Variants in ZC3H14 observed in about 807,000 individuals in gnomAD.
ZC3H14 encodes zinc finger CCCH domain-containing protein 14.
In ZC3H14, 31 loss-of-function variants were observed where a neutral mutation model predicts 92.4. That is an observed-to-expected ratio of 0.34 (90% CI 0.25 to 0.45). The LOEUF is 0.45. Among genes scored for constraint, ZC3H14 ranks in the 20% least tolerant of loss-of-function variants. The pLI, the probability that ZC3H14 is intolerant of heterozygous loss-of-function variation, is 1.00. For synonymous variants in ZC3H14, 321 were observed against 300.9 expected (o/e 1.07, Z -0.69); for missense variants, 781 against 897.3 (o/e 0.87, Z 1.66).
At position 88,625,100 on chromosome 14, in the gene ZC3H14, T is replaced by C. The variant is rs2089716910; in HGVS notation, c.*13349T>C. ...TCTTTCCACACACAGACATCACCAC[T>C]GATGGTACCTGTAAACGTCAAGTTA... On this transcript the variant is annotated 3_prime_UTR_variant, in exon 17 of 17. Coordinates refer to ENST00000251038, the MANE Select transcript of ZC3H14 (RefSeq NM_024824.5). 1 of 1,613,684 alleles carries C rather than the reference T, an allele frequency of 6.2e-7. No homozygotes were observed. The highest frequency in any genetic ancestry group is 1.7e-5 in the Admixed American group (1 of 59,978).
rs1468464125 is a variant in ZC3H14 at position 88,613,244 on chromosome 14, G to C, written c.*1493G>C. The C allele has an allele frequency of 6.6e-6, 1 of 152,068 alleles. No individual in the cohort carries two copies. The highest frequency in any genetic ancestry group is 2.4e-5 in the African/African-American group (1 of 41,406). 9.4% of individuals were successfully genotyped at this position (152,068 alleles called of 1,614,324 possible). A position where few individuals can be genotyped will look rare whatever the true frequency, so the allele number is the denominator to read the frequency against. On this transcript the variant is annotated 3_prime_UTR_variant, in exon 17 of 17. Coordinates refer to ENST00000251038, the MANE Select transcript of ZC3H14 (RefSeq NM_024824.5). ...ACAAGTGCATAAGGCTGTTGTCTTCGGCTTGGGTGAAATGACAGTTCCTCT... is the reference window on the plus strand; with the variant it reads ...ACAAGTGCATAAGGCTGTTGTCTTCCGCTTGGGTGAAATGACAGTTCCTCT...
intron 12 of ZC3H14, among the ~76,000 whole-genome samples, chr14:88,606,806 C>G (rs2085487595): frequency 6.8e-6 from 1 of 148,082 alleles, no homozygotes; most frequent in Admixed American, 6.7e-5. Flanking sequence ...CCTGGACTTA[C>G]AGCTCAGCAG....
chr14:88,570,437 A>G (rs1395771163), intron 3 of ZC3H14, among the ~76,000 whole-genome samples: 3 of 152,220 alleles, frequency 2.0e-5, no homozygotes, highest in Admixed American at 1.3e-4. Flanking sequence ...TTTTGAAAGT[A>G]ATAGAGTGAA....
intron 9 of ZC3H14, among the ~76,000 whole-genome samples, chr14:88,581,832 T>TA (rs1566924607): frequency 2.6e-5 from 4 of 152,100 alleles, no homozygotes; most frequent in African/African-American, 7.2e-5. Flanking sequence ...TAATGACATT[T>TA]TAAAAAAATA....
At chr14:88,586,611 CTT>C (rs1809435244) in intron 9 of ZC3H14, 1 of 152,182 alleles carries the variant, frequency 6.6e-6, no homozygotes, top group Non-Finnish European at 1.5e-5. Flanking sequence ...AAGATCTTCT[CTT>C]TGTGTTTGAT....
intron 9 of ZC3H14, among the ~76,000 whole-genome samples, chr14:88,587,512 G>A (rs965810842): frequency 2.6e-5 from 4 of 151,986 alleles, no homozygotes; most frequent in Non-Finnish European, 4.4e-5. Context: ...CCTACATTCT[G>A]TCCTGCCTCC....
Position 88,578,024 on chromosome 14 carries a change from G to A in ZC3H14, c.1163G>A (p.Arg388Gln). ...KQTLPVAPRTRTSQEELLAEV... is the reference protein window; with the variant it reads ...KQTLPVAPRTQTSQEELLAEV... ...ACACTTCCAGTTGCTCCCAGAACTC[G>A]AACTTCTCAAGAAGAATTGCTAGCA... Residue 388 changes from arginine to glutamine, a missense_variant, in exon 9 of 17, where the codon CGA (arginine) becomes CAA (glutamine). This residue lies in a region of ZC3H14 where 454 missense variants were observed against 438.5 expected (regional missense o/e 1.04). Transcript: ENST00000251038. 3.1e-6 allele frequency: 5 copies of A among 1,614,018 alleles called. No homozygotes were observed. The highest frequency in any genetic ancestry group is 4.2e-6 in the Non-Finnish European group (5 of 1,180,002).
In ZC3H14 at chr14:88,625,945, T is replaced by C. The variant is rs1029084913; in HGVS notation, c.*14194T>C. ...TGCAGGATATTAAAGGAAAGAGATG[T>C]GGATTGGAAGCCACAGGTCCAGATG... On this transcript the variant is annotated 3_prime_UTR_variant, in exon 17 of 17. Coordinates refer to ENST00000251038, the MANE Select transcript of ZC3H14 (RefSeq NM_024824.5). 2 of 152,152 alleles carry C rather than the reference T, an allele frequency of 1.3e-5. No individual in the cohort carries two copies. Among genetic ancestry groups the C allele is most frequent in the African/African-American group, 4.8e-5 (2 of 41,428 alleles). The allele number at this position is 152,152 out of a possible 1,614,324, so 9.4% of individuals were successfully genotyped here.
chr14:88,575,756 T>C, intron 7 of ZC3H14, 84 bp from the exon 8 acceptor site: 1 of 1,108,550 alleles, frequency 9.0e-7, no homozygotes. Flanking sequence ...CTAGAGAAGG[T>C]TGTGGTAAAG....
At chr14:88,610,186 A>G (rs542557396) in intron 15 of ZC3H14, among the ~76,000 whole-genome samples, 1 of 152,286 alleles carries the variant, frequency 6.6e-6, no homozygotes, top group East Asian at 1.9e-4. Context: ...ATGATGGTTG[A>G]TGAATCTCCA....
In ZC3H14 at chr14:88,616,930, G is replaced by T; in HGVS notation, c.*5179G>T. ...TCATCATGGCAAGTGCGGGCAGGTT[G>T]ACTATATTCAAAAAGTTTCTTGGCA... On this transcript the variant is annotated 3_prime_UTR_variant, in exon 17 of 17. Coordinates refer to ENST00000251038, the MANE Select transcript of ZC3H14 (RefSeq NM_024824.5). The T allele has an allele frequency of 6.4e-7, 1 of 1,564,432 alleles. No individual in the cohort carries two copies. Among genetic ancestry groups the T allele is most frequent in the South Asian group, 1.2e-5 (1 of 83,780 alleles).
chr14:88,571,038 C>G (rs769789571), intron 3 of ZC3H14, 46 bp from the exon 4 acceptor site: 15 of 1,455,640 alleles, frequency 1.0e-5, no homozygotes, highest in Non-Finnish European at 1.4e-5. Context: ...GAAATGAAAT[C>G]TTTCTTAACA....
At position 88,576,086 on chromosome 14, in the gene ZC3H14, T is replaced by G. The variant is rs1176697091; in HGVS notation, c.1123+146T>G. ...GAGGTTCCCATATAGAAAAATGGCT[T>G]TAAAAGGAAATTGACAAGTTTGAGA... is the stretch of plus-strand genomic sequence containing the variant. On this transcript the variant is annotated intron_variant, in intron 8 of 16. Transcript: ENST00000251038. 5.5e-6 allele frequency: 4 copies of G among 731,594 alleles called. No individual in the cohort carries two copies. In the East Asian group the frequency reaches 1.1e-4, roughly 20 times the overall value. 45.3% of individuals were successfully genotyped at this position (731,594 alleles called of 1,614,324 possible). A position where few individuals can be genotyped will look rare whatever the true frequency, so the allele number is the denominator to read the frequency against.
intron 2 of ZC3H14, among the ~76,000 whole-genome samples, chr14:88,566,356 C>T (rs1432404597): frequency 6.6e-6 from 1 of 151,842 alleles, no homozygotes; most frequent in Non-Finnish European, 1.5e-5. Context: ...AGAAGGGGCC[C>T]AAGACCAAAC....
rs1379316071 is a variant in ZC3H14, at chr14:88,625,355, T to C, written c.*13604T>C. 1 of 475,118 alleles carries C rather than the reference T, an allele frequency of 2.1e-6. No individual in the cohort carries two copies. The highest frequency in any genetic ancestry group is 3.7e-5 in the Admixed American group (1 of 26,716). The allele number at this position is 475,118 out of a possible 1,614,324, so 29.4% of individuals were successfully genotyped here. Reference sequence around the variant, plus strand: ...TGTTGCTTATTAGCTAGAATAACCTTAGACAATTCTTCCCTTCCAATTCTA... The same window carrying C: ...TGTTGCTTATTAGCTAGAATAACCTCAGACAATTCTTCCCTTCCAATTCTA... On this transcript the variant is annotated 3_prime_UTR_variant, in exon 17 of 17. Coordinates refer to ENST00000251038, the MANE Select transcript of ZC3H14 (RefSeq NM_024824.5).
rs771488484 is a variant in ZC3H14 at position 88,618,375 on chromosome 14, G to A, written c.*6624G>A. 7 of 1,550,578 alleles carry A rather than the reference G, an allele frequency of 4.5e-6. No homozygotes were observed. In the South Asian group the frequency reaches 7.9e-5, roughly 17 times the overall value. On this transcript the variant is annotated 3_prime_UTR_variant, in exon 17 of 17. Coordinates refer to ENST00000251038, the MANE Select transcript of ZC3H14 (RefSeq NM_024824.5). ...ATGGGACAAGAATTCCATTAGGTGA[G>A]AGACAAAATCCACAGGGGGTTTACA...
At chr14:88,582,795 G>A (rs2082055107) in intron 9 of ZC3H14, among the ~76,000 whole-genome samples, 1 of 152,194 alleles carries the variant, frequency 6.6e-6, no homozygotes, top group Non-Finnish European at 1.5e-5. Flanking sequence ...GATACTGCAA[G>A]CAACTGTTAT....
chr14:88,576,708 G>A (rs1407903945), intron 8 of ZC3H14, among the ~76,000 whole-genome samples: 1 of 152,176 alleles, frequency 6.6e-6, no homozygotes, highest in Non-Finnish European at 1.5e-5. Context: ...TGTACTTACA[G>A]CATTGCCCTG....
At chr14:88,604,666 T>C (rs2085110732) in intron 12 of ZC3H14, among the ~76,000 whole-genome samples, 1 of 151,428 alleles carries the variant, frequency 6.6e-6, no homozygotes, top group Non-Finnish European at 1.5e-5. Flanking sequence ...CCATCTCAGC[T>C]CACTGCAACT....
Sources: allele counts gnomAD v4.1 joint callset (sites outside exome capture counted in the v4.1 genomes callset), GRCh38; gene constraint gnomAD v4.1.1; regional missense constraint gnomAD v4.1.1; transcripts MANE v1.5; gene names NCBI Gene and HGNC (gene_info 2026-07-23, HGNC 2026-07-21).